The following REV3L variants were observed in gnomAD, a reference collection of about 807,000 sequenced individuals.
REV3L encodes the protein REV3 like, DNA directed polymerase zeta catalytic subunit, also known as DNA polymerase zeta catalytic subunit.
REV3L carries 69 observed loss-of-function variants against 299.4 expected under a neutral mutation model. The observed-to-expected ratio is 0.23, with a 90% CI of 0.19 to 0.28. The LOEUF is 0.28. REV3L is among the 10% of genes least tolerant of loss of function. The probability of loss-of-function intolerance (pLI) is 1.00; values close to 1 mark genes in which losing one functional copy is unlikely to be tolerated. For synonymous variants in REV3L, 1,238 were observed against 1,271.4 expected (o/e 0.97, Z 0.56); for missense variants, 3,128 against 3,693.8 (o/e 0.85, Z 3.97).
chr6:111,396,418 T>C (rs1015737151), intron 4 of REV3L, among the ~76,000 whole-genome samples: 1 of 152,044 alleles, frequency 6.6e-6, no homozygotes. Flanking sequence ...GATTTTTGTG[T>C]CTATGTTCAT....
Position 111,373,446 on chromosome 6 carries a change from C to T in REV3L, c.4909G>A (p.Asp1637Asn). Residue 1637 changes from aspartate (D) to asparagine (N), a missense_variant, in exon 13 of 32, where the codon GAT (aspartate) becomes AAT (asparagine). By Grantham distance (23) the Asp-to-Asn change is conservative. This residue lies in a region of REV3L where 2,409 missense variants were observed against 2,611.8 expected (regional missense o/e 0.92). Transcript: ENST00000368802. ...TAATTATGTTCAGGAGATAAACTATCTTCAAGTGAGTAACAACTTTCAAAG... is the reference window on the plus strand; with the variant it reads ...TAATTATGTTCAGGAGATAAACTATTTTCAAGTGAGTAACAACTTTCAAAG... ...PGFESCYSLEDSLSPEHNYNF... is the reference protein window; with the variant it reads ...PGFESCYSLENSLSPEHNYNF... 1.9e-6 allele frequency: 3 copies of T among 1,613,630 alleles called. No individual in the cohort carries two copies. The highest frequency in any genetic ancestry group is 2.5e-6 in the Non-Finnish European group (3 of 1,179,860).
At chr6:111,331,829 G>A (rs745969583) in intron 23 of REV3L, 45 bp from the exon 24 acceptor site, 3 of 1,233,508 alleles carry the variant, frequency 2.4e-6, no homozygotes, top group Admixed American at 1.9e-5. Context: ...TCAAATCATA[G>A]AACAGAGATT....
chr6:111,374,858 T>A lies in REV3L; in HGVS notation c.3497A>T (p.Lys1166Ile). ...AATCTGTGCTCTTGCGCGACTAGTT[T>A]TTCCTATACGAGAATTAACAGTCTT... is the stretch of plus-strand genomic sequence containing the variant. ...YKKTVNSRIG[K>I]TSRARAQIKK... Residue 1166 changes from lysine (K) to isoleucine (I), a missense_variant, in exon 13 of 32, where the codon AAA becomes ATA. Lys to Ile is a moderately radical substitution (Grantham distance 102, BLOSUM62 -3). Around this residue, in one of 9 missense-constraint regions of REV3L, gnomAD observed 2,409 missense variants for 2,611.8 expected, o/e 0.92. Transcript: ENST00000368802. 6.2e-7 allele frequency: 1 copy of A among 1,613,950 alleles called. No individual in the cohort carries two copies.
chr6:111,300,837 C>G (rs1217077469), intron 31 of REV3L, among the ~76,000 whole-genome samples: 20 of 152,140 alleles, frequency 1.3e-4, no homozygotes, highest in Admixed American at 1.2e-3. Context: ...GTTATCTGCA[C>G]AAATTGTTTG....
intron 23 of REV3L, among the ~76,000 whole-genome samples, chr6:111,332,685 A>G (rs986520446): frequency 6.6e-6 from 1 of 152,252 alleles, no homozygotes; most frequent in African/African-American, 2.4e-5. Context: ...ATCAGTTTAT[A>G]AAATTTAATT....
intron 1 of REV3L, among the ~76,000 whole-genome samples, chr6:111,422,356 TACAACCC>T (rs1461037140): frequency 6.6e-6 from 1 of 151,800 alleles, no homozygotes; most frequent in Non-Finnish European, 1.5e-5. Flanking sequence ...ATAGACACCC[TACAACCC>T]TCAAAACCTA....
intron 9 of REV3L, 53 bp downstream of exon 9, chr6:111,387,712 A>G (rs1781484748): frequency 3.4e-6 from 5 of 1,491,922 alleles, no homozygotes; most frequent in African/African-American, 2.8e-5. Context: ...TTAACATCTC[A>G]GTGCTAGATA....
chr6:111,393,844 T>C (rs1392013994), intron 4 of REV3L, among the ~76,000 whole-genome samples: 1 of 152,180 alleles, frequency 6.6e-6, no homozygotes, highest in Non-Finnish European at 1.5e-5. Context: ...AGACGAACTT[T>C]TTTTAGTTCC....
intron 2 of REV3L, 94 bp downstream of exon 2, chr6:111,416,189 G>T: frequency 2.4e-6 from 2 of 843,652 alleles, no homozygotes; most frequent in Non-Finnish European, 3.4e-6. Context: ...TAGACTAGAA[G>T]TAAAAGAAAT....
At chr6:111,338,356 T>A (rs9487617) in intron 21 of REV3L, among the ~76,000 whole-genome samples, 5 of 116,078 alleles carry the variant, frequency 4.3e-5, no homozygotes, top group Admixed American at 9.5e-5. Context: ...TTTTTTTAAA[T>A]AAGACTGATC....
At chr6:111,446,428 G>A (rs928211889) in intron 1 of REV3L, among the ~76,000 whole-genome samples, 3 of 152,078 alleles carry the variant, frequency 2.0e-5, no homozygotes, top group African/African-American at 4.8e-5. Flanking sequence ...AGCTGGGCAC[G>A]GTGGCTGGCT....
In REV3L at chr6:111,379,986, T is replaced by C; in HGVS notation, c.1450A>G (p.Lys484Glu). 1.2e-6 allele frequency: 2 copies of C among 1,602,170 alleles called. No individual in the cohort carries two copies. Among genetic ancestry groups the C allele is most frequent in the Non-Finnish European group, 1.7e-6 (2 of 1,171,512 alleles). ...CTGCAATAACTAAAAAATTACCTCTTTTTGGCACAATGTTCTTCAATATTG... is the reference window on the plus strand; with the variant it reads ...CTGCAATAACTAAAAAATTACCTCTCTTTGGCACAATGTTCTTCAATATTG... ...DSNIEEHCAK[K>E]RSLCRNTHRS... The change falls in exon 11 of 32, where the codon AAG becomes GAG. Residue 484 changes from lysine to glutamate, a missense_variant. Lys to Glu is a moderately conservative substitution (Grantham distance 56, BLOSUM62 1). This residue lies in a region of REV3L where 2,409 missense variants were observed against 2,611.8 expected (regional missense o/e 0.92). Coordinates refer to ENST00000368802, the MANE Select transcript of REV3L (RefSeq NM_001372078.1).
At chr6:111,409,560 C>G (rs1247593990) in intron 3 of REV3L, among the ~76,000 whole-genome samples, 1 of 152,050 alleles carries the variant, frequency 6.6e-6, no homozygotes, top group Non-Finnish European at 1.5e-5. Context: ...CCATACAAAT[C>G]CCCTGAAAGG....
At chr6:111,332,265 G>A (rs926713702) in intron 23 of REV3L, among the ~76,000 whole-genome samples, 4 of 152,010 alleles carry the variant, frequency 2.6e-5, no homozygotes, top group Non-Finnish European at 5.9e-5. Context: ...TAGAGACAGG[G>A]TTTCCTCATG....
chr6:111,447,477 A>T (rs1261413292), intron 1 of REV3L, among the ~76,000 whole-genome samples: 1 of 152,246 alleles, frequency 6.6e-6, no homozygotes, highest in Non-Finnish European at 1.5e-5. Context: ...AATTTTCGTC[A>T]AAGTCTAAGA....
chr6:111,351,892 A>G, intron 18 of REV3L, 101 bp from the exon 19 acceptor site: 1 of 723,014 alleles, frequency 1.4e-6, no homozygotes, highest in East Asian at 2.9e-5. Context: ...ACAAAAACCT[A>G]TGTTCTCTAA....
chr6:111,439,774 A>T lies in REV3L; in HGVS notation c.140-23302T>A, dbSNP rs375122259. ...CGTTTGACCCACTACAGCTTTCTGA[A>T]TCCAGGCAAAAACCAATACATCTGA... On this transcript the variant is annotated intron_variant, in intron 1 of 31. Coordinates refer to ENST00000368802, the MANE Select transcript of REV3L (RefSeq NM_001372078.1). Among the ~76,000 whole-genome samples, 214 of 152,280 alleles carry T rather than the reference A, an allele frequency of 1.4e-3. 6 individuals carry two copies. The South Asian group carries it at 0.042, about 30-fold the overall frequency.
At chr6:111,412,536 G>T (rs910141444) in intron 2 of REV3L, among the ~76,000 whole-genome samples, 3 of 151,968 alleles carry the variant, frequency 2.0e-5, no homozygotes, top group Non-Finnish European at 2.9e-5. Context: ...TTAATACACG[G>T]TTAAATCTTT....
intron 1 of REV3L, among the ~76,000 whole-genome samples, chr6:111,468,931 C>T (rs532815351): frequency 2.0e-3 from 303 of 152,070 alleles, no homozygotes; most frequent in African/African-American, 7.0e-3. Flanking sequence ...AGGGCTGAGG[C>T]GGGTGAATCA....
Sources: allele counts gnomAD v4.1 joint callset (sites outside exome capture counted in the v4.1 genomes callset), GRCh38; gene constraint gnomAD v4.1.1; regional missense constraint gnomAD v4.1.1; transcripts MANE v1.5; gene names NCBI Gene and HGNC (gene_info 2026-07-23, HGNC 2026-07-21).